The following TMEM87B variants were observed in gnomAD, a reference collection of about 807,000 sequenced individuals.
TMEM87B encodes transmembrane protein 87B.
TMEM87B carries 83 observed loss-of-function variants against 80.3 expected under a neutral mutation model. That is an observed-to-expected ratio of 1.03 (90% confidence interval 0.87 to 1.24). The LOEUF is 1.24. TMEM87B is among the 50% of genes most tolerant of loss of function. The pLI, the probability that TMEM87B is intolerant of heterozygous loss-of-function variation, is 0.00. For missense variants in TMEM87B, 625 were observed against 674.4 expected, an observed-to-expected ratio of 0.93 and a Z score of 0.81; for synonymous variants, 219 against 230.5, an observed-to-expected ratio of 0.95 and a Z score of 0.45.
intron 4 of TMEM87B, among the ~76,000 whole-genome samples, chr2:112,068,866 T>A (rs561166889): frequency 1.3e-5 from 2 of 152,220 alleles, no homozygotes; most frequent in Non-Finnish European, 2.9e-5. Flanking sequence ...TAACTTTTAT[T>A]TTCAGGGGTA....
chr2:112,111,688 T>C (rs946747288), intron 17 of TMEM87B, among the ~76,000 whole-genome samples: 3 of 152,196 alleles, frequency 2.0e-5, no homozygotes, highest in Admixed American at 6.5e-5. Flanking sequence ...CTTCCCCTTA[T>C]ACATCTGTGG....
chr2:112,092,644 T>A (rs1301632240), intron 11 of TMEM87B, among the ~76,000 whole-genome samples: 1 of 152,150 alleles, frequency 6.6e-6, no homozygotes, highest in South Asian at 2.1e-4. Context: ...AGAACCCACG[T>A]GATAGACTTG....
At chr2:112,105,293 T>C (rs1558850413) in intron 15 of TMEM87B, among the ~76,000 whole-genome samples, 1 of 152,202 alleles carries the variant, frequency 6.6e-6, no homozygotes, top group Non-Finnish European at 1.5e-5. Context: ...TTCTAGTTTA[T>C]GGAGAAGCAA....
At position 112,118,831 on chromosome 2, in the gene TMEM87B, C is replaced by T. The variant is rs1004867945; in HGVS notation, c.*2688C>T. ...TGTATCCTTTTTTTAAAAAAAAGTT[C>T]GAGTCTGTTGCACTAGGCTGTACAT... On this transcript the variant is annotated 3_prime_UTR_variant, in exon 19 of 19. Coordinates refer to ENST00000283206, the MANE Select transcript of TMEM87B (RefSeq NM_032824.3). 20 of 151,894 alleles carry T rather than the reference C, an allele frequency of 1.3e-4. No individual in the cohort carries two copies. The highest frequency in any genetic ancestry group is 2.1e-4 in the South Asian group (1 of 4,822). 9.4% of individuals were successfully genotyped at this position (151,894 alleles called of 1,614,324 possible). A position where few individuals can be genotyped will look rare whatever the true frequency, so the allele number is the denominator to read the frequency against.
At chr2:112,067,560 C>G (rs889199728) in intron 4 of TMEM87B, among the ~76,000 whole-genome samples, 9 of 152,220 alleles carry the variant, frequency 5.9e-5, no homozygotes, top group African/African-American at 1.2e-4. Context: ...GATTGCGCCA[C>G]TGCACTCCAG....
chr2:112,058,962 A>C (rs1307693577), intron 1 of TMEM87B, among the ~76,000 whole-genome samples: 1 of 152,160 alleles, frequency 6.6e-6, no homozygotes, highest in African/African-American at 2.4e-5. Flanking sequence ...AAAGTTGGTG[A>C]GCAGAGAGGA....
intron 5 of TMEM87B, among the ~76,000 whole-genome samples, chr2:112,075,452 A>G (rs975672271): frequency 6.6e-5 from 10 of 152,214 alleles, no homozygotes; most frequent in African/African-American, 2.2e-4. Context: ...TACTGTTACT[A>G]TCTTTGTCTA....
chr2:112,101,500 C>T (rs1679630030), intron 15 of TMEM87B, among the ~76,000 whole-genome samples: 1 of 152,150 alleles, frequency 6.6e-6, no homozygotes, highest in African/African-American at 2.4e-5. Flanking sequence ...CTACTTATAA[C>T]TTTTGACTCT....
chr2:112,109,631 C>A (rs13418808), intron 17 of TMEM87B, among the ~76,000 whole-genome samples: 1 of 111,028 alleles, frequency 9.0e-6, no homozygotes, highest in Non-Finnish European at 1.9e-5. Context: ...ATTTGGCTTT[C>A]TGCATTGTGT....
In TMEM87B at chr2:112,118,344, G is replaced by GT. The variant is rs1480196153; in HGVS notation, c.*2204dup. On this transcript the variant is annotated 3_prime_UTR_variant, in exon 19 of 19. Coordinates refer to ENST00000283206, the MANE Select transcript of TMEM87B (RefSeq NM_032824.3). ...AGCTCATCATCCCTGTTTCTGCACA[G>GT]TTTCCTGAAACTGGCCATCAGGGCC... 6.6e-6 allele frequency: 1 copy of GT among 152,188 alleles called. No individual in the cohort carries two copies. The highest frequency in any genetic ancestry group is 2.4e-5 in the African/African-American group (1 of 41,450). 9.4% of individuals were successfully genotyped at this position (152,188 alleles called of 1,614,324 possible). A position where few individuals can be genotyped will look rare whatever the true frequency, so the allele number is the denominator to read the frequency against.
chr2:112,066,815 C>A (rs942246364), intron 3 of TMEM87B, 121 bp from the exon 4 acceptor site: 6 of 840,924 alleles, frequency 7.1e-6, no homozygotes, highest in Non-Finnish European at 1.1e-5. Context: ...TATTCTATTG[C>A]GTATTTCCAG....
intron 10 of TMEM87B, among the ~76,000 whole-genome samples, chr2:112,090,834 A>G (rs773195160): frequency 6.6e-6 from 1 of 152,198 alleles, no homozygotes; most frequent in Non-Finnish European, 1.5e-5. Flanking sequence ...ATGTCTTTGG[A>G]TTAGCTGTAT....
intron 9 of TMEM87B, among the ~76,000 whole-genome samples, chr2:112,088,489 T>C (rs886846965): frequency 6.6e-6 from 1 of 152,206 alleles, no homozygotes; most frequent in Admixed American, 6.5e-5. Context: ...AGGTAAATAG[T>C]CTTAATTAAA....
intron 11 of TMEM87B, chr2:112,095,602 A>G (rs1440228995): frequency 2.0e-6 from 1 of 511,308 alleles, no homozygotes; most frequent in Non-Finnish European, 2.5e-6. Context: ...TTGCATTTTT[A>G]AAGTTCTCAT....
chr2:112,056,241 AAG>A (rs1190035495), intron 1 of TMEM87B, among the ~76,000 whole-genome samples: 1 of 152,006 alleles, frequency 6.6e-6, no homozygotes, highest in African/African-American at 2.4e-5. Flanking sequence ...AAAAAAAAGA[AAG>A]AAAAAATTTA....
intron 17 of TMEM87B, among the ~76,000 whole-genome samples, chr2:112,111,615 C>A (rs1440351175): frequency 6.6e-6 from 1 of 152,120 alleles, no homozygotes; most frequent in Non-Finnish European, 1.5e-5. Context: ...CCAATACTAT[C>A]CAAAATTAAT....
At chr2:112,112,878 T>A in intron 17 of TMEM87B, 21 bp from the exon 18 acceptor site, 6 of 1,598,222 alleles carry the variant, frequency 3.8e-6, no homozygotes, top group South Asian at 1.1e-5. Context: ...CATTATCACC[T>A]TTTTTTCCCT....
At chr2:112,082,678 G>A (rs552343579) in intron 8 of TMEM87B, among the ~76,000 whole-genome samples, 23 of 151,880 alleles carry the variant, frequency 1.5e-4, no homozygotes, top group African/African-American at 5.1e-4. Context: ...GTGTGTGTGC[G>A]TGTGCGTGTG....
intron 8 of TMEM87B, among the ~76,000 whole-genome samples, chr2:112,083,092 A>G (rs1679048115): frequency 6.6e-6 from 1 of 152,250 alleles, no homozygotes; most frequent in African/African-American, 2.4e-5. Flanking sequence ...TCAAATTTAG[A>G]AAAATCATTA....
Sources: allele counts gnomAD v4.1 joint callset (sites outside exome capture counted in the v4.1 genomes callset), GRCh38; gene constraint gnomAD v4.1.1; transcripts MANE v1.5; gene names NCBI Gene and HGNC (gene_info 2026-07-23, HGNC 2026-07-21).